ELAVL4: variants seen among roughly 807,000 people sequenced by gnomAD.
ELAVL4 encodes ELAV-like protein 4.
ELAVL4 carries 1 observed loss-of-function variant against 35.6 expected under a neutral mutation model. The observed-to-expected ratio is 0.03, with a 90% confidence interval of 0.01 to 0.13. The LOEUF (loss-of-function observed/expected upper bound fraction) is 0.13, where lower values mean the gene tolerates loss of function less well. Among genes scored for constraint, ELAVL4 ranks in the 10% least tolerant of loss-of-function variants. The probability of loss-of-function intolerance (pLI) is 1.00; values close to 1 mark genes in which losing one functional copy is unlikely to be tolerated. For missense variants in ELAVL4, 267 were observed against 464.9 expected (o/e 0.57, Z 3.91); for synonymous variants, 156 against 171.0 (o/e 0.91, Z 0.69).
At chr1:50,177,650 G>A (rs1187361847) in intron 3 of ELAVL4, among the ~76,000 whole-genome samples, 1 of 152,266 alleles carries the variant, frequency 6.6e-6, no homozygotes, top group East Asian at 1.9e-4. Flanking sequence ...GATGGGAGGT[G>A]GCAGGGCCAA....
chr1:50,048,763 G>T (rs1326232847), intron 1 of ELAVL4, among the ~76,000 whole-genome samples: 1 of 152,176 alleles, frequency 6.6e-6, no homozygotes, highest in Non-Finnish European at 1.5e-5. Flanking sequence ...TGGGACTTGG[G>T]TATTTCTAGA....
chr1:50,066,537 G>A (rs1047457224), intron 1 of ELAVL4, among the ~76,000 whole-genome samples: 2 of 152,048 alleles, frequency 1.3e-5, no homozygotes, highest in Admixed American at 1.3e-4. Flanking sequence ...CTTCATACTT[G>A]TCACATGGCT....
At chr1:50,092,870 A>G (rs190498665) in intron 1 of ELAVL4, among the ~76,000 whole-genome samples, 23 of 152,322 alleles carry the variant, frequency 1.5e-4, no homozygotes, top group Admixed American at 7.2e-4. Flanking sequence ...CTTGAGTGGA[A>G]GGTAGACAGG....
At chr1:50,122,048 A>G (rs1669127440) in intron 1 of ELAVL4, among the ~76,000 whole-genome samples, 1 of 152,058 alleles carries the variant, frequency 6.6e-6, no homozygotes, top group South Asian at 2.1e-4. Flanking sequence ...CTTAAAAGGT[A>G]AATGTTAATT....
rs1237340488 is a variant in ELAVL4, at chr1:50,114,406, T to G, written c.9+5208T>G. ...GGAACATCCTTATATTTGTGAAATC[T>G]CCACGTATTTTAGGGGTAAAGGGCT... On this transcript the variant is annotated intron_variant, in intron 1 of 6. Transcript: ENST00000371824. Among the ~76,000 whole-genome samples, 3 of 151,976 alleles carry G rather than the reference T, an allele frequency of 2.0e-5. No homozygotes were observed. The South Asian group carries it at 6.2e-4, about 32-fold the overall frequency.
intron 1 of ELAVL4, among the ~76,000 whole-genome samples, chr1:50,072,255 A>T (rs1379919700): frequency 6.6e-6 from 1 of 152,282 alleles, no homozygotes; most frequent in East Asian, 1.9e-4. Context: ...ATCTTACCCC[A>T]AGCAAGCTTT....
chr1:50,159,701 A>T (rs1393274743), intron 2 of ELAVL4, among the ~76,000 whole-genome samples: 2 of 152,152 alleles, frequency 1.3e-5, no homozygotes. Context: ...AATATGGAGC[A>T]TTACCCAAGG....
upstream of ELAVL4, chr1:50,106,487 T>A: frequency 1.1e-6 from 1 of 950,312 alleles, no homozygotes; most frequent in Non-Finnish European, 1.6e-6. Flanking sequence ...TTTCTTTCTG[T>A]GGTGGTGGAT....
In ELAVL4 at chr1:50,160,720, A is replaced by G. The variant is rs146648728; in HGVS notation, c.250+15523A>G. ...TCTGTATGGACAAGTTATTTATCTC[A>G]TCTCCTTGAGTGAGAGCCATAAATG... is the stretch of plus-strand genomic sequence containing the variant. On this transcript the variant is annotated intron_variant, in intron 2 of 6. Coordinates refer to ENST00000371824, the MANE Select transcript of ELAVL4 (RefSeq NM_001144774.3). Among the ~76,000 whole-genome samples the G allele has an allele frequency of 1.1e-4, 17 of 152,310 alleles. No homozygotes were observed. The East Asian group carries it at 3.3e-3, about 29-fold the overall frequency.
At chr1:50,194,546 C>T (rs1024578296) in intron 4 of ELAVL4, among the ~76,000 whole-genome samples, 3 of 152,184 alleles carry the variant, frequency 2.0e-5, no homozygotes, top group Admixed American at 6.5e-5. Flanking sequence ...TTAGAACTCA[C>T]CCCCTGAGAA....
intron 1 of ELAVL4, among the ~76,000 whole-genome samples, chr1:50,077,762 T>C (rs1039537559): frequency 6.6e-6 from 1 of 152,224 alleles, no homozygotes; most frequent in Non-Finnish European, 1.5e-5. Flanking sequence ...ACTTTAATGA[T>C]AATAGCTTAA....
chr1:50,101,301 G>T (rs1332493383), upstream of ELAVL4, among the ~76,000 whole-genome samples: 1 of 152,124 alleles, frequency 6.6e-6, no homozygotes, highest in Non-Finnish European at 1.5e-5. Flanking sequence ...GGAAAAACGG[G>T]TAGGGTTGGG....
chr1:50,066,498 T>C (rs1174659539), intron 1 of ELAVL4, among the ~76,000 whole-genome samples: 1 of 152,186 alleles, frequency 6.6e-6, no homozygotes, highest in African/African-American at 2.4e-5. Flanking sequence ...GAGCTTTGTT[T>C]TTCCATGTCT....
chr1:50,105,579 T>A (rs887077564), upstream of ELAVL4: 1 of 152,112 alleles, frequency 6.6e-6, no homozygotes, highest in African/African-American at 2.4e-5. Flanking sequence ...AAAAAAGAAA[T>A]CTTTTAAGAT....
At chr1:50,146,469 A>C (rs1673745425) in intron 2 of ELAVL4, among the ~76,000 whole-genome samples, 1 of 152,192 alleles carries the variant, frequency 6.6e-6, no homozygotes, top group Non-Finnish European at 1.5e-5. Context: ...GATATATTGC[A>C]TCTAGCACAA....
chr1:50,079,261 A>G (rs1664901773), intron 1 of ELAVL4, among the ~76,000 whole-genome samples: 1 of 152,116 alleles, frequency 6.6e-6, no homozygotes, highest in Non-Finnish European at 1.5e-5. Flanking sequence ...AACTGTCACA[A>G]GTTGTATTCC....
intron 3 of ELAVL4, among the ~76,000 whole-genome samples, chr1:50,185,870 C>T (rs752610073): frequency 7.2e-5 from 11 of 152,070 alleles, no homozygotes; most frequent in African/African-American, 1.7e-4. Flanking sequence ...CCACAGTAAT[C>T]GTATCAGTCT....
At position 50,055,265 on chromosome 1, in the gene ELAVL4, ATTTGTTTTGTTTTTTT is replaced by A. The variant is rs547009161; in HGVS notation, c.18+7098_18+7113del. On this transcript the variant is annotated intron_variant, in intron 1 of 6. Coordinates refer to the ELAVL4 transcript ENST00000448907. The stretch of plus-strand genomic sequence containing the variant: ...GTTTTGTGACTTCAAAGCATGATCA[ATTTGTTTTGTTTTTTT>A]TTTGTTTTGTTTTTGTTTTTGTTTT... Among the ~76,000 whole-genome samples, 635 of 151,556 alleles carry A rather than the reference ATTTGTTTTGTTTTTTT, an allele frequency of 4.2e-3. 3 individuals carry two copies. The highest frequency in any genetic ancestry group is 7.0e-3 in the Non-Finnish European group (474 of 67,806).
At chr1:50,182,967 C>T (rs1681272771) in intron 3 of ELAVL4, among the ~76,000 whole-genome samples, 1 of 151,864 alleles carries the variant, frequency 6.6e-6, no homozygotes, top group Non-Finnish European at 1.5e-5. Flanking sequence ...AAGCAATTCT[C>T]CTGCCTCAGC....
Sources: allele counts gnomAD v4.1 joint callset (sites outside exome capture counted in the v4.1 genomes callset), GRCh38; gene constraint gnomAD v4.1.1; transcripts MANE v1.5; gene names NCBI Gene and HGNC (gene_info 2026-07-23, HGNC 2026-07-21).